Variants in FSIP2 observed in about 807,000 individuals in gnomAD.
FSIP2 encodes fibrous sheath interacting protein 2.
FSIP2 carries 367 observed loss-of-function variants against 510.5 expected under a neutral mutation model. The ratio of observed to expected loss-of-function variants is 0.72; its 90% CI spans 0.66 to 0.78. The LOEUF (loss-of-function observed/expected upper bound fraction) is 0.78. Among genes scored for constraint, FSIP2 ranks in the 30% least tolerant of loss-of-function variants. The probability of loss-of-function intolerance (pLI) is 0.00; values close to 1 mark genes in which losing one functional copy is unlikely to be tolerated. For synonymous variants in FSIP2, 2,601 were observed against 2,732.2 expected (o/e 0.95, Z 1.50); for missense variants, 7,594 against 7,901.7 (o/e 0.96, Z 1.48).
rs201539973 is a variant in FSIP2, at chr2:185,801,299, T to A, written c.11993T>A (p.Ile3998Asn). ...TCATTGTGGGGCAAAAATAAAAACATCACTGTGTCCTGGCTCAATGAGATG... is the reference window on the plus strand; with the variant it reads ...TCATTGTGGGGCAAAAATAAAAACAACACTGTGTCCTGGCTCAATGAGATG... ...SMSLWGKNKN[I>N]TVSWLNEMNT... Residue 3998 changes from isoleucine (I) to asparagine (N), a missense_variant, in exon 17 of 23, where the codon ATC becomes AAC. By Grantham distance (149) the Ile-to-Asn change is moderately radical (BLOSUM62 -3). Transcript: ENST00000424728. 430 of 1,533,726 alleles carry A rather than the reference T, an allele frequency of 2.8e-4. No homozygotes were observed. Among genetic ancestry groups the A allele is most frequent in the Middle Eastern group, 2.2e-3 (13 of 5,968 alleles).
Position 185,808,296 on chromosome 2 carries a change from G to A in FSIP2, c.18990G>A (p.Lys6330=), listed in dbSNP as rs1178406196. Residue 6330 remains lysine, a synonymous_variant, in exon 17 of 23, where the codon AAG becomes AAA. Coordinates refer to ENST00000424728, the MANE Select transcript of FSIP2 (RefSeq NM_173651.4). ...EKVIKIIDEL[K]SKEKSSSRKG... ...TGATCAAAATTATTGATGAACTTAA[G>A]TCTAAGGAAAAGTCTTCATCCAGAA... 1.2e-6 allele frequency: 2 copies of A among 1,606,736 alleles called. No individual in the cohort carries two copies. The highest frequency in any genetic ancestry group is 1.1e-5 in the South Asian group (1 of 89,502).
intron 13 of FSIP2, among the ~76,000 whole-genome samples, chr2:185,767,597 G>A (rs1012723663): frequency 6.6e-6 from 1 of 152,000 alleles, no homozygotes; most frequent in African/African-American, 2.4e-5. Flanking sequence ...GTTCTTTGAT[G>A]TTGTCACAAA....
At position 185,747,317 on chromosome 2, in the gene FSIP2, G is replaced by T; in HGVS notation, c.764G>T (p.Trp255Leu). The change falls in exon 7 of 23, where the codon TGG (tryptophan) becomes TTG (leucine). Residue 255 changes from tryptophan to leucine, a missense_variant. Coordinates refer to ENST00000424728, the MANE Select transcript of FSIP2 (RefSeq NM_173651.4). ...CAGTAACATTGTGATTTCTAGGAAT[G>T]GAAGACAAAAGAGATGTTACTTCTG... ...LTLRRKIEEE[W>L]KTKEMLLLTR... 6.6e-7 allele frequency: 1 copy of T among 1,509,582 alleles called. No homozygotes were observed. Among genetic ancestry groups the T allele is most frequent in the South Asian group, 1.2e-5 (1 of 83,450 alleles). 93.5% of individuals were successfully genotyped at this position (1,509,582 alleles called of 1,614,324 possible).
chr2:185,776,399 T>C (rs1289913301), intron 13 of FSIP2, among the ~76,000 whole-genome samples: 6 of 152,188 alleles, frequency 3.9e-5, no homozygotes, highest in African/African-American at 1.4e-4. Context: ...CATTGCTTTA[T>C]ACGTATTTTT....
chr2:185,787,000 C>T (rs1287126499), intron 15 of FSIP2, among the ~76,000 whole-genome samples: 1 of 151,762 alleles, frequency 6.6e-6, no homozygotes, highest in Admixed American at 6.6e-5. Context: ...ATATATCCCT[C>T]TTTTATATAT....
Position 185,808,187 on chromosome 2 carries a change from C to T in FSIP2, c.18881C>T (p.Ser6294Leu), listed in dbSNP as rs766201995. ...TIGFLMVNAI[S>L]NSEFQPQVEE... ...GGCTTTTTAATGGTGAATGCAATTT[C>T]GAATTCTGAATTTCAACCTCAAGTA... The change falls in exon 17 of 23, where the codon TCG becomes TTG. Residue 6294 changes from serine to leucine, a missense_variant. By Grantham distance (145) the Ser-to-Leu change is moderately radical. Coordinates refer to ENST00000424728, the MANE Select transcript of FSIP2 (RefSeq NM_173651.4). The T allele has an allele frequency of 2.2e-5, 35 of 1,611,546 alleles. No homozygotes were observed. Among genetic ancestry groups the T allele is most frequent in the South Asian group, 6.6e-5 (6 of 90,726 alleles).
chr2:185,813,685 C>T lies in FSIP2; in HGVS notation c.19968C>T (p.Tyr6656=), dbSNP rs757175543. The change falls in exon 18 of 23, where the codon TAC becomes TAT. Residue 6656 remains tyrosine (Y), a synonymous_variant. Transcript: ENST00000424728. ...HDIDQVYLEN[Y]IKEERDSDED... Reference sequence around the variant, plus strand: ...TTGATCAAGTGTATTTGGAAAATTACATAAAAGAGGAACGAGATTCTGATG... The same window carrying T: ...TTGATCAAGTGTATTTGGAAAATTATATAAAAGAGGAACGAGATTCTGATG... 6 of 1,609,194 alleles carry T rather than the reference C, an allele frequency of 3.7e-6. 1 individual carries two copies. In the South Asian group the frequency reaches 6.7e-5, roughly 18 times the overall value.
At chr2:185,830,237 C>A (rs1279832511) in intron 21 of FSIP2, among the ~76,000 whole-genome samples, 1 of 151,804 alleles carries the variant, frequency 6.6e-6, no homozygotes, top group Non-Finnish European at 1.5e-5. Flanking sequence ...AATGACTCAA[C>A]ATACAAAGAA....
chr2:185,817,982 G>T (rs752745625), intron 19 of FSIP2, among the ~76,000 whole-genome samples: 7 of 151,918 alleles, frequency 4.6e-5, no homozygotes, highest in South Asian at 2.1e-4. Flanking sequence ...AACTAAAAGA[G>T]AAGAATTGGA....
chr2:185,793,641 T>A lies in FSIP2; in HGVS notation c.6505T>A (p.Ser2169Thr). 1 of 1,534,628 alleles carries A rather than the reference T, an allele frequency of 6.5e-7. No homozygotes were observed. Among genetic ancestry groups the A allele is most frequent in the Non-Finnish European group, 8.7e-7 (1 of 1,145,756 alleles). Residue 2169 changes from serine to threonine, a missense_variant, in exon 16 of 23, where the codon TCT (serine) becomes ACT (threonine). Coordinates refer to ENST00000424728, the MANE Select transcript of FSIP2 (RefSeq NM_173651.4). ...IVNIVLHNLS[S>T]AATLVINAKN... ...GAATATTGTTCTTCATAATCTCAGT[T>A]CTGCTGCCACGCTTGTCATAAATGC...
Position 185,802,071 on chromosome 2 carries a change from C to T in FSIP2, c.12765C>T (p.Ile4255=), listed in dbSNP as rs763451491. Residue 4255 remains isoleucine (I), a synonymous_variant, in exon 17 of 23, where the codon ATC becomes ATT. Coordinates refer to ENST00000424728, the MANE Select transcript of FSIP2 (RefSeq NM_173651.4). Reference sequence around the variant, plus strand: ...CCAGCTTTATCATCCAAGAGATTATCGAAAATCATCTTCAACCATTTTTGA... The same window carrying T: ...CCAGCTTTATCATCCAAGAGATTATTGAAAATCATCTTCAACCATTTTTGA... ...QIASFIIQEI[I]ENHLQPFLSG... The T allele has an allele frequency of 1.3e-4, 201 of 1,533,238 alleles. 1 individual carries two copies. Among genetic ancestry groups the T allele is most frequent in the Middle Eastern group, 1.7e-4 (1 of 6,000 alleles). 95.0% of individuals were successfully genotyped at this position (1,533,238 alleles called of 1,614,324 possible).
chr2:185,770,287 C>G (rs1027076653), intron 13 of FSIP2, among the ~76,000 whole-genome samples: 2 of 152,092 alleles, frequency 1.3e-5, no homozygotes, highest in African/African-American at 4.8e-5. Context: ...AGATCTTGAA[C>G]CTCCCTGGTT....
At chr2:185,762,273 T>A (rs1193529261) in intron 11 of FSIP2, among the ~76,000 whole-genome samples, 4 of 151,256 alleles carry the variant, frequency 2.6e-5, no homozygotes, top group Non-Finnish European at 5.9e-5. Context: ...TAGTTACAGA[T>A]AAAGACGCTG....
chr2:185,804,339 G>T lies in FSIP2; in HGVS notation c.15033G>T (p.Leu5011Phe). ...ILVADNFDKN[L>F]CFSERYKEMV... ...TTGCAGATAACTTTGATAAAAATTT[G>T]TGTTTCTCAGAAAGATACAAAGAAA... Residue 5011 changes from leucine (L) to phenylalanine (F), a missense_variant, in exon 17 of 23, where the codon TTG becomes TTT. Transcript: ENST00000424728. The T allele has an allele frequency of 1.3e-6, 2 of 1,505,212 alleles. No individual in the cohort carries two copies. Among genetic ancestry groups the T allele is most frequent in the Non-Finnish European group, 1.8e-6 (2 of 1,134,608 alleles). 93.2% of individuals were successfully genotyped at this position (1,505,212 alleles called of 1,614,324 possible).
At position 185,807,028 on chromosome 2, in the gene FSIP2, A is replaced by G. The variant is rs201122784; in HGVS notation, c.17722A>G (p.Ile5908Val). The G allele has an allele frequency of 1.7e-5, 27 of 1,596,680 alleles. No individual in the cohort carries two copies. The highest frequency in any genetic ancestry group is 2.2e-5 in the Non-Finnish European group (26 of 1,174,494). Residue 5908 changes from isoleucine (I) to valine (V), a missense_variant, in exon 17 of 23, where the codon ATT becomes GTT. Physicochemically the swap from Ile to Val is conservative, Grantham distance 29. Coordinates refer to ENST00000424728, the MANE Select transcript of FSIP2 (RefSeq NM_173651.4). ...RKPSSDKIPS[I>V]DKTLVNKVVH... The stretch of plus-strand genomic sequence containing the variant: ...ACCTTCTTCAGATAAGATACCATCA[A>G]TTGACAAAACATTGGTCAATAAAGT...
Position 185,801,026 on chromosome 2 carries a change from A to T in FSIP2, c.11720A>T (p.Tyr3907Phe). 1 of 1,531,746 alleles carries T rather than the reference A, an allele frequency of 6.5e-7. No individual in the cohort carries two copies. Among genetic ancestry groups the T allele is most frequent in the South Asian group, 1.2e-5 (1 of 83,770 alleles). The allele number at this position is 1,531,746 out of a possible 1,614,324, so 94.9% of individuals were successfully genotyped here. ...AAAAGTTCTTTAGAACTCAGGAGCTATGATAGTAATTCTTTGACAGTATCC... is the reference window on the plus strand; with the variant it reads ...AAAAGTTCTTTAGAACTCAGGAGCTTTGATAGTAATTCTTTGACAGTATCC... ...QSKSSLELRSYDSNSLTVSLN... is the reference protein window; with the variant it reads ...QSKSSLELRSFDSNSLTVSLN... Residue 3907 changes from tyrosine to phenylalanine, a missense_variant, in exon 17 of 23, where the codon TAT becomes TTT. Coordinates refer to ENST00000424728, the MANE Select transcript of FSIP2 (RefSeq NM_173651.4).
chr2:185,831,975 G>C, intron 22 of FSIP2, 93 bp downstream of exon 22: 3 of 748,442 alleles, frequency 4.0e-6, no homozygotes, highest in Non-Finnish European at 7.1e-6. Flanking sequence ...CTGGAAATGA[G>C]TGGCTCTCCC....
chr2:185,780,342 TTCTC>T (rs1215926153), intron 13 of FSIP2, among the ~76,000 whole-genome samples: 1 of 151,964 alleles, frequency 6.6e-6, no homozygotes, highest in Non-Finnish European at 1.5e-5. Context: ...TATTTTCCAT[TTCTC>T]TCACTGCATT....
At chr2:185,764,468 G>C (rs1025006111) in intron 12 of FSIP2, 34 bp from the exon 13 acceptor site, 1 of 1,417,676 alleles carries the variant, frequency 7.1e-7, no homozygotes, top group Admixed American at 2.2e-5. Flanking sequence ...TTTTTTTTGT[G>C]GATCTATTTG....
Sources: allele counts gnomAD v4.1 joint callset (sites outside exome capture counted in the v4.1 genomes callset), GRCh38; gene constraint gnomAD v4.1.1; transcripts MANE v1.5; gene names NCBI Gene and HGNC (gene_info 2026-07-23, HGNC 2026-07-21).